Variants in AP3B1 observed in about 807,000 individuals in gnomAD.
AP3B1 encodes AP-3 complex subunit beta-1.
Under a neutral mutation model 132.5 loss-of-function variants are expected in AP3B1, and 61 were observed. The observed-to-expected ratio is 0.46, with a 90% CI of 0.37 to 0.57. The LOEUF is 0.57. AP3B1 is among the 20% of genes least tolerant of loss of function. The pLI, the probability that AP3B1 is intolerant of heterozygous loss-of-function variation, is 0.00. For missense variants in AP3B1, 1,120 were observed against 1,289.4 expected, an observed-to-expected ratio of 0.87 and a Z score of 2.01; for synonymous variants, 388 against 438.3, an observed-to-expected ratio of 0.89 and a Z score of 1.43.
intron 18 of AP3B1, among the ~76,000 whole-genome samples, chr5:78,114,800 G>A (rs190930156): frequency 6.6e-6 from 1 of 152,280 alleles, no homozygotes; most frequent in East Asian, 1.9e-4. Context: ...ACCTAGGACT[G>A]CCTGTATTGT....
chr5:78,002,607 A>C lies in AP3B1; in HGVS notation c.*295T>G. On this transcript the variant is annotated 3_prime_UTR_variant, in exon 27 of 27. Transcript: ENST00000255194. ...ATGTCTACCATTGTCGAAAAAGAGA[A>C]GGAAAACGAGGAGGCCAAAAGAAGC... The C allele has an allele frequency of 1.7e-6, 1 of 574,724 alleles. No homozygotes were observed. Among genetic ancestry groups the C allele is most frequent in the East Asian group, 2.8e-5 (1 of 35,732 alleles). The allele number at this position is 574,724 out of a possible 1,614,324, so 35.6% of individuals were successfully genotyped here.
chr5:78,193,742 T>TA (rs1561469413), intron 7 of AP3B1, among the ~76,000 whole-genome samples: 135 of 90,670 alleles, frequency 1.5e-3, no homozygotes, highest in South Asian at 5.6e-3. Flanking sequence ...GTATATATTT[T>TA]TTTATATATA....
rs1746239485 is a variant in AP3B1 at position 78,002,826 on chromosome 5, A to G, written c.*76T>C. ...ACTGCCAGATGGAAGGGCTATTATT[A>G]TAAATGAAAGGCAGCAGTAGTGGAT... On this transcript the variant is annotated 3_prime_UTR_variant, in exon 27 of 27. Transcript: ENST00000255194. 6 of 1,535,392 alleles carry G rather than the reference A, an allele frequency of 3.9e-6. No individual in the cohort carries two copies. The highest frequency in any genetic ancestry group is 4.5e-6 in the Non-Finnish European group (5 of 1,108,434).
intron 25 of AP3B1, among the ~76,000 whole-genome samples, chr5:78,017,609 T>C (rs1241999755): frequency 6.6e-6 from 1 of 152,036 alleles, no homozygotes; most frequent in Non-Finnish European, 1.5e-5. Context: ...GATAGATGCA[T>C]AAATCATAAT....
chr5:78,042,895 C>T (rs182988842), intron 22 of AP3B1: 7 of 173,268 alleles, frequency 4.0e-5, no homozygotes, highest in Admixed American at 4.0e-4. Flanking sequence ...AAGTGCTTGA[C>T]TGCCAAATGG....
chr5:78,172,071 G>T (rs1743942506), intron 11 of AP3B1, among the ~76,000 whole-genome samples: 1 of 152,188 alleles, frequency 6.6e-6, no homozygotes, highest in East Asian at 1.9e-4. Context: ...AACCAGCCTT[G>T]CATCCCAGGG....
chr5:78,003,646 C>T (rs913112835), intron 26 of AP3B1, among the ~76,000 whole-genome samples: 6 of 152,150 alleles, frequency 3.9e-5, no homozygotes, highest in African/African-American at 1.4e-4. Context: ...CTAAGTGCAA[C>T]CTCACGCTTC....
At chr5:78,184,683 T>C (rs1744527232) in intron 7 of AP3B1, among the ~76,000 whole-genome samples, 1 of 122,482 alleles carries the variant, frequency 8.2e-6, no homozygotes, top group African/African-American at 4.3e-5. Flanking sequence ...CGAGACACTG[T>C]CTCAAAAAAA....
intron 20 of AP3B1, among the ~76,000 whole-genome samples, chr5:78,101,731 G>C (rs1751131845): frequency 6.6e-6 from 1 of 152,020 alleles, no homozygotes; most frequent in African/African-American, 2.4e-5. Context: ...CCATGAACTA[G>C]AATACAGTGC....
intron 22 of AP3B1, among the ~76,000 whole-genome samples, chr5:78,086,463 G>A (rs945565741): frequency 7.9e-5 from 12 of 152,162 alleles, no homozygotes; most frequent in Admixed American, 7.2e-4. Flanking sequence ...GGAGGCACTG[G>A]GAGGTAAACT....
chr5:78,232,493 G>C (rs144886093), intron 3 of AP3B1, among the ~76,000 whole-genome samples: 1 of 152,236 alleles, frequency 6.6e-6, no homozygotes, highest in East Asian at 1.9e-4. Context: ...GACCCTGAAA[G>C]TCCATCAATC....
Position 78,177,401 on chromosome 5 carries a change from T to C in AP3B1, c.978A>G (p.Ile326Met). ...VMAVAQLYWH[I>M]SPKSEAGIIS... ...TTATGCCAGCTTCAGATTTTGGTGATATGTGCCAATACAGCTGAGCAACTG... is the reference window on the plus strand; with the variant it reads ...TTATGCCAGCTTCAGATTTTGGTGACATGTGCCAATACAGCTGAGCAACTG... The change falls in exon 9 of 27, where the codon ATA (isoleucine) becomes ATG (methionine). Residue 326 changes from isoleucine (I) to methionine (M), a missense_variant. By Grantham distance (10) the Ile-to-Met change is conservative. Transcript: ENST00000255194. The C allele has an allele frequency of 3.1e-6, 5 of 1,613,998 alleles. No individual in the cohort carries two copies. The highest frequency in any genetic ancestry group is 3.4e-6 in the Non-Finnish European group (4 of 1,179,896).
intron 7 of AP3B1, among the ~76,000 whole-genome samples, chr5:78,192,102 C>T (rs967303327): frequency 3.3e-5 from 5 of 151,428 alleles, no homozygotes; most frequent in South Asian, 2.1e-4. Context: ...TCAGGTGATC[C>T]GCCCGCCTCG....
intron 22 of AP3B1, among the ~76,000 whole-genome samples, chr5:78,082,837 C>A (rs539130939): frequency 6.7e-6 from 1 of 150,206 alleles, no homozygotes; most frequent in Admixed American, 6.6e-5. Flanking sequence ...TTTTTTTAGA[C>A]GGAGTTTCGC....
intron 22 of AP3B1, among the ~76,000 whole-genome samples, chr5:78,053,635 G>A (rs1026635018): frequency 1.4e-5 from 2 of 140,134 alleles, no homozygotes; most frequent in African/African-American, 5.3e-5. Context: ...AGCCGAGATT[G>A]CACCATTGTA....
intron 17 of AP3B1, among the ~76,000 whole-genome samples, chr5:78,120,781 C>T (rs1002450131): frequency 6.6e-6 from 1 of 152,158 alleles, no homozygotes; most frequent in Non-Finnish European, 1.5e-5. Context: ...TTAAACAGAT[C>T]AACGAGACAG....
At chr5:78,246,480 C>G (rs568053997) in intron 2 of AP3B1, among the ~76,000 whole-genome samples, 1 of 152,068 alleles carries the variant, frequency 6.6e-6, no homozygotes, top group Non-Finnish European at 1.5e-5. Flanking sequence ...TAGAACTGAA[C>G]GTTCCCTGTA....
chr5:78,203,738 C>T (rs79498544), intron 7 of AP3B1, among the ~76,000 whole-genome samples: 2,980 of 152,170 alleles, frequency 0.02, 118 homozygotes, highest in African/African-American at 0.065. Flanking sequence ...CACTTGATGT[C>T]ATCACACAGG....
At chr5:78,245,233 G>A (rs1747329001) in intron 2 of AP3B1, among the ~76,000 whole-genome samples, 1 of 152,210 alleles carries the variant, frequency 6.6e-6, no homozygotes, top group Admixed American at 6.5e-5. Context: ...GCGAAACAGT[G>A]AAAGGGAGGC....
Sources: gnomAD v4.1 joint callset for allele counts (sites outside exome capture counted in the v4.1 genomes callset) on GRCh38, gnomAD v4.1.1 for gene constraint, MANE v1.5 for transcripts, NCBI Gene and HGNC (gene_info 2026-07-23, HGNC 2026-07-21) for gene names.